Variants in PDE1C observed in about 807,000 individuals in gnomAD.
The protein encoded by PDE1C is dual specificity calcium/calmodulin-dependent 3',5'-cyclic nucleotide phosphodiesterase 1C.
In PDE1C, 62 loss-of-function variants were observed where a neutral mutation model predicts 93.1. The observed-to-expected ratio is 0.67, with a 90% CI of 0.54 to 0.82. The LOEUF (loss-of-function observed/expected upper bound fraction) is 0.82, where lower values mean the gene tolerates loss of function less well. Among genes scored for constraint, PDE1C ranks in the 40% least tolerant of loss-of-function variants. The pLI is 0.00. For missense variants in PDE1C, 742 were observed against 884.6 expected (o/e 0.84, Z 2.04); for synonymous variants, 325 against 310.1 (o/e 1.05, Z -0.50).
At chr7:32,087,418 C>A (rs1040800585) in intron 3 of PDE1C, among the ~76,000 whole-genome samples, 1 of 151,888 alleles carries the variant, frequency 6.6e-6, no homozygotes, top group Non-Finnish European at 1.5e-5. Context: ...GTAAACTAGT[C>A]CAACCATTGT....
chr7:31,791,668 T>C (rs568887069), intron 16 of PDE1C, among the ~76,000 whole-genome samples: 92 of 152,226 alleles, frequency 6.0e-4, no homozygotes, highest in Middle Eastern at 6.8e-3. Flanking sequence ...TTTGATTTTT[T>C]AATAACAGAC....
chr7:32,045,922 C>G (rs538289030), intron 2 of PDE1C, among the ~76,000 whole-genome samples: 3 of 152,116 alleles, frequency 2.0e-5, no homozygotes, highest in Non-Finnish European at 4.4e-5. Flanking sequence ...TTAGCTATGT[C>G]AATTCATGAA....
the PDE1C span, chr7:31,651,209 T>G: frequency 6.2e-7 from 1 of 1,613,612 alleles, no homozygotes; most frequent in Non-Finnish European, 8.5e-7. Context: ...TTAGAAGAAA[T>G]TGAACAGCAC....
chr7:32,147,272 A>AAAGG (rs1800918985), intron 3 of PDE1C, among the ~76,000 whole-genome samples: 1 of 96,694 alleles, frequency 1.0e-5, no homozygotes, highest in African/African-American at 3.8e-5. Flanking sequence ...AAGAAAGAAA[A>AAAGG]AAAGAAAGAA....
At chr7:32,160,548 GA>G (rs1375873192) in intron 3 of PDE1C, among the ~76,000 whole-genome samples, 1 of 152,122 alleles carries the variant, frequency 6.6e-6, no homozygotes, top group Non-Finnish European at 1.5e-5. Flanking sequence ...TTTTAGTGAA[GA>G]AAGGAATCTG....
chr7:32,020,514 CT>C (rs1412142209), intron 2 of PDE1C, among the ~76,000 whole-genome samples: 1 of 152,008 alleles, frequency 6.6e-6, no homozygotes, highest in Non-Finnish European at 1.5e-5. Flanking sequence ...TCATAATGTT[CT>C]TTCAAAGTTG....
intron 7 of PDE1C, among the ~76,000 whole-genome samples, chr7:31,861,405 C>A (rs1348357074): frequency 6.6e-6 from 1 of 151,920 alleles, no homozygotes; most frequent in African/African-American, 2.4e-5. Flanking sequence ...TTGATATGTC[C>A]AAGACTACCT....
chr7:32,313,906 A>G (rs1783111611), intron 1 of PDE1C, among the ~76,000 whole-genome samples: 1 of 152,070 alleles, frequency 6.6e-6, no homozygotes, highest in South Asian at 2.1e-4. Flanking sequence ...AAGTATAATA[A>G]TAATAAAATA....
chr7:31,837,748 A>G (rs967878012), intron 10 of PDE1C, 122 bp downstream of exon 10: 2 of 641,920 alleles, frequency 3.1e-6, no homozygotes, highest in East Asian at 2.5e-5. Flanking sequence ...AAACATAATC[A>G]TTGCATAAGA....
chr7:32,178,821 C>T (rs1221400200), intron 2 of PDE1C, among the ~76,000 whole-genome samples: 1 of 152,180 alleles, frequency 6.6e-6, no homozygotes, highest in Admixed American at 6.5e-5. Context: ...ATAAACCCTC[C>T]GGACTGGTTA....
At chr7:31,885,227 AAAT>A (rs1056958224) in intron 2 of PDE1C, among the ~76,000 whole-genome samples, 1 of 152,230 alleles carries the variant, frequency 6.6e-6, no homozygotes, top group Non-Finnish European at 1.5e-5. Flanking sequence ...GAAAATATAC[AAAT>A]AATAATAATA....
chr7:32,128,632 A>C (rs1490563036), intron 3 of PDE1C, among the ~76,000 whole-genome samples: 1 of 151,710 alleles, frequency 6.6e-6, no homozygotes, highest in Non-Finnish European at 1.5e-5. Flanking sequence ...TGTTTTAATG[A>C]TCTCGGCCTA....
the PDE1C span, among the ~76,000 whole-genome samples, chr7:31,695,056 G>C: frequency 2.0e-5 from 3 of 152,304 alleles, no homozygotes; most frequent in Non-Finnish European, 4.4e-5. Flanking sequence ...AAGATCGAGG[G>C]AGATTTAGGT....
intron 1 of PDE1C, among the ~76,000 whole-genome samples, chr7:32,236,807 A>T (rs1280622935): frequency 6.6e-6 from 1 of 152,226 alleles, no homozygotes; most frequent in African/African-American, 2.4e-5. Flanking sequence ...TAAAGAAATG[A>T]AAATTTATAA....
intron 2 of PDE1C, among the ~76,000 whole-genome samples, chr7:31,928,226 G>A (rs113542800): frequency 0.033 from 5,047 of 151,976 alleles, 271 homozygotes; most frequent in African/African-American, 0.12. Flanking sequence ...GAAGAGTGAA[G>A]ACAAGATTAG....
chr7:32,306,623 T>C (rs1296526530), intron 1 of PDE1C, among the ~76,000 whole-genome samples: 1 of 152,216 alleles, frequency 6.6e-6, no homozygotes, highest in African/African-American at 2.4e-5. Context: ...TAAATAAAAA[T>C]GTAGTCATGT....
chr7:31,861,335 T>C (rs1166833478), intron 7 of PDE1C, among the ~76,000 whole-genome samples: 1 of 152,164 alleles, frequency 6.6e-6, no homozygotes, highest in African/African-American at 2.4e-5. Flanking sequence ...GAGCCCCTTC[T>C]AACTATCTAT....
intron 3 of PDE1C, among the ~76,000 whole-genome samples, chr7:32,099,965 C>T (rs772891325): frequency 6.6e-6 from 1 of 152,132 alleles, no homozygotes; most frequent in Non-Finnish European, 1.5e-5. Flanking sequence ...AACATAAAAG[C>T]AGTTGTTGTA....
upstream of PDE1C, among the ~76,000 whole-genome samples, chr7:32,073,474 T>C (rs940094765): frequency 4.4e-4 from 67 of 152,220 alleles, 1 homozygote; most frequent in African/African-American, 1.5e-3. Context: ...AAAATAAAGA[T>C]AGAGTGGCTC....
Sources: gnomAD v4.1 joint callset for allele counts (sites outside exome capture counted in the v4.1 genomes callset) on GRCh38, gnomAD v4.1.1 for gene constraint, MANE v1.5 for transcripts, NCBI Gene and HGNC (gene_info 2026-07-23, HGNC 2026-07-21) for gene names.